The following MYH3 variants were observed in gnomAD, a reference collection of about 807,000 sequenced individuals.
The protein encoded by MYH3 is myosin-3.
Under a neutral mutation model 238.0 loss-of-function variants are expected in MYH3, and 130 were observed. The ratio of observed to expected loss-of-function variants is 0.55; its 90% CI spans 0.47 to 0.63. The LOEUF (loss-of-function observed/expected upper bound fraction) is 0.63, where lower values mean the gene tolerates loss of function less well. MYH3 is among the 30% of genes least tolerant of loss of function. The pLI, the probability that MYH3 is intolerant of heterozygous loss-of-function variation, is 0.00. For synonymous variants in MYH3, 880 were observed against 924.1 expected, an observed-to-expected ratio of 0.95 and a Z score of 0.86; for missense variants, 1,853 against 2,374.9, an observed-to-expected ratio of 0.78 and a Z score of 4.57.
intron 34 of MYH3, 115 bp downstream of exon 34, chr17:10,632,361 C>A: frequency 1.6e-6 from 2 of 1,216,876 alleles, no homozygotes; most frequent in South Asian, 1.2e-5. Context: ...TCAAGTGAGC[C>A]TCTTGCCTCA....
rs1209123293 is a variant in MYH3 at position 10,633,638 on chromosome 17, T to A, written c.4600A>T (p.Ile1534Phe). ...TGGATATCAGCCTTTTCCAGCTCAA[T>A]CTGCTTTCTTGATTTCTCCAGTTCA... ...IHELEKSRKQIELEKADIQLA... is the reference protein window; with the variant it reads ...IHELEKSRKQFELEKADIQLA... The change falls in exon 33 of 41, where the codon ATT becomes TTT. Residue 1534 changes from isoleucine (I) to phenylalanine (F), a missense_variant. Ile to Phe is a conservative substitution (Grantham distance 21). Transcript: ENST00000583535. The A allele has an allele frequency of 2.0e-5, 32 of 1,614,014 alleles. No homozygotes were observed. The highest frequency in any genetic ancestry group is 2.7e-5 in the Non-Finnish European group (32 of 1,179,966).
chr17:10,649,667 T>C lies in MYH3; in HGVS notation c.552A>G (p.Gly184=). ...TGACCCGTTTGGTGTTCACAGTCTT[T>C]CCTGCCCCGGATTCTCCGCTGTACA... ...SILITGESGA[G]KTVNTKRVIQ... Residue 184 remains glycine (G), a synonymous_variant, in exon 7 of 41, where the codon GGA becomes GGG. Transcript: ENST00000583535. The C allele has an allele frequency of 2.5e-6, 4 of 1,614,228 alleles. No individual in the cohort carries two copies. The South Asian group carries it at 3.3e-5, about 13-fold the overall frequency.
At chr17:10,633,144 A>G (rs2074181348) in intron 33 of MYH3, among the ~76,000 whole-genome samples, 1 of 152,164 alleles carries the variant, frequency 6.6e-6, no homozygotes, top group African/African-American at 2.4e-5. Flanking sequence ...CCCAGGAGAC[A>G]GAGGTTGCAG....
chr17:10,670,575 C>A, the MYH3 span, among the ~76,000 whole-genome samples: 3 of 152,148 alleles, frequency 2.0e-5, no homozygotes, highest in Non-Finnish European at 4.4e-5. This position sits in a 1 kb window ranked among gnomAD's most constrained non-coding sequence, Gnocchi z 7.0. Context: ...TCCCTAGTAG[C>A]TGGGATTGCA....
intron 5 of MYH3, among the ~76,000 whole-genome samples, chr17:10,650,807 T>C (rs1368841657): frequency 6.6e-6 from 1 of 152,200 alleles, no homozygotes; most frequent in Admixed American, 6.5e-5. Context: ...CCAGCACCGA[T>C]TTCTCCTTTC....
chr17:10,639,100 T>C lies in MYH3; in HGVS notation c.3192A>G (p.Gln1064=), dbSNP rs1317179869. The change falls in exon 25 of 41, where the codon CAA becomes CAG. Residue 1064 remains glutamine (Q), a synonymous_variant. Coordinates refer to ENST00000583535, the MANE Select transcript of MYH3 (RefSeq NM_002470.4). The part of the protein sequence containing the change: ...RKLEGDLKLA[Q]ESILDLENDK... ...CATTCTCCAGATCTAATATGGACTC[T>C]TGAGCAAGCTTCAAGTCTCCTTCCA... The C allele has an allele frequency of 1.9e-6, 3 of 1,614,128 alleles. No homozygotes were observed. In the Admixed American group the frequency reaches 5.0e-5, roughly 27 times the overall value.
intron 14 of MYH3, among the ~76,000 whole-genome samples, chr17:10,644,088 A>G (rs2074297555): frequency 6.6e-6 from 1 of 151,896 alleles, no homozygotes; most frequent in East Asian, 1.9e-4. Context: ...TGAACTCAGG[A>G]AGAGGTTGCA....
Position 10,642,306 on chromosome 17 carries a change from G to A in MYH3, c.1893C>T (p.Asp631=). 1 of 1,614,120 alleles carries A rather than the reference G, an allele frequency of 6.2e-7. No individual in the cohort carries two copies. The highest frequency in any genetic ancestry group is 8.5e-7 in the Non-Finnish European group (1 of 1,179,998). The change falls in exon 17 of 41, where the codon GAC becomes GAT. Residue 631 remains aspartate, a synonymous_variant. Coordinates refer to ENST00000583535, the MANE Select transcript of MYH3 (RefSeq NM_002470.4). This position sits in a 1 kb window ranked among gnomAD's most constrained non-coding sequence, Gnocchi z 5.4. ...TCTTGGCAACTTTCTTCTTTCCACT[G>A]TCAGCTGAAAGCAATAAGGGAGGGC... The part of the protein sequence containing the change: ...LYATFATADA[D]SGKKKVAKKK...
intron 30 of MYH3, among the ~76,000 whole-genome samples, 148 bp downstream of exon 30, chr17:10,635,214 GTTTGT>G (rs961516011): frequency 8.5e-5 from 13 of 152,242 alleles, no homozygotes; most frequent in African/African-American, 2.9e-4. Context: ...GATCAAAGCT[GTTTGT>G]TTTAATAAAA....
chr17:10,645,613 G>T, intron 12 of MYH3, 94 bp downstream of exon 12: 6 of 1,501,710 alleles, frequency 4.0e-6, no homozygotes, highest in Non-Finnish European at 5.5e-6. Flanking sequence ...GTGAGCCACT[G>T]TGCCTGGCTG....
upstream of MYH3, among the ~76,000 whole-genome samples, chr17:10,661,247 G>T (rs1198344840): frequency 7.3e-6 from 1 of 136,494 alleles, no homozygotes; most frequent in East Asian, 2.2e-4. Context: ...AAAGTGCAAG[G>T]ATTACAGGTG....
rs373533323 is a variant in MYH3 at position 10,628,711 on chromosome 17, C to T, written c.5797-32G>A. On this transcript the variant is annotated intron_variant, in intron 40 of 40. Transcript: ENST00000583535. ...AGAAAGTAGGCACCTGGAGTCAAGT[C>T]GGGTGGCAGAGACACATTCCCACCC... The T allele has an allele frequency of 8.7e-6, 14 of 1,613,808 alleles. No homozygotes were observed. In the African/African-American group the frequency reaches 1.1e-4, roughly 12 times the overall value.
rs2074163100 is a variant in MYH3, at chr17:10,631,893, C to G, written c.5080G>C (p.Glu1694Gln). The change falls in exon 35 of 41, where the codon GAG becomes CAG. Residue 1694 changes from glutamate to glutamine, a missense_variant. Transcript: ENST00000583535. ...AGTTTCCGGGCCCTCTCCGTCTGCT[C>G]CAGAGTAGCCCGCAGCTCCTCCACC... ...AEVEELRATL[E>Q]QTERARKLAE... The G allele has an allele frequency of 6.2e-7, 1 of 1,614,184 alleles. No homozygotes were observed. Among genetic ancestry groups the G allele is most frequent in the Non-Finnish European group, 8.5e-7 (1 of 1,180,034 alleles).
At chr17:10,653,071 GT>G (rs2074394216) in intron 3 of MYH3, among the ~76,000 whole-genome samples, 1 of 152,158 alleles carries the variant, frequency 6.6e-6, no homozygotes, top group South Asian at 2.1e-4. Flanking sequence ...AATGGGGTTT[GT>G]TTCTGTTATT....
At chr17:10,670,153 C>T in the MYH3 span, among the ~76,000 whole-genome samples, 5 of 152,214 alleles carry the variant, frequency 3.3e-5, no homozygotes, top group African/African-American at 4.8e-5. The surrounding 1 kb of genome is among the most constrained non-coding windows in gnomAD (Gnocchi z 7.0). Context: ...GCTTGAGTTC[C>T]GAAATGCCTC....
intron 19 of MYH3, 39 bp from the exon 20 acceptor site, chr17:10,640,725 A>G: frequency 6.2e-7 from 1 of 1,608,636 alleles, no homozygotes; most frequent in East Asian, 2.2e-5. Flanking sequence ...GACTGTTGGC[A>G]AAGACACAAA....
Position 10,637,887 on chromosome 17 carries a change from C to A in MYH3, c.3778G>T (p.Ala1260Ser), listed in dbSNP as rs2074230018. 2 of 1,613,996 alleles carry A rather than the reference C, an allele frequency of 1.2e-6. No homozygotes were observed. The highest frequency in any genetic ancestry group is 2.7e-5 in the African/African-American group (2 of 74,884). Residue 1260 changes from alanine (A) to serine (S), a missense_variant, in exon 28 of 41, where the codon GCC becomes TCC. By Grantham distance (99) the Ala-to-Ser change is moderately conservative. This residue lies in a region of MYH3 where 1,044 missense variants were observed against 1,192.6 expected (regional missense o/e 0.88). Coordinates refer to ENST00000583535, the MANE Select transcript of MYH3 (RefSeq NM_002470.4). ...TGAATTTCCTCATTCTTGCCCCTGG[C>A]CTCACTTAACTGATCCTCCAGGGTT... ...CRTLEDQLSE[A>S]RGKNEEIQRS...
intron 28 of MYH3, among the ~76,000 whole-genome samples, chr17:10,637,571 G>A (rs1444093615): frequency 6.6e-6 from 1 of 152,020 alleles, no homozygotes; most frequent in Non-Finnish European, 1.5e-5. Flanking sequence ...GATATTTTGA[G>A]CCCCTTCTCA....
Position 10,649,880 on chromosome 17 carries a change from G to C in MYH3, c.534-195C>G, listed in dbSNP as rs59650067. The stretch of plus-strand genomic sequence containing the variant: ...ACAGGCACTTGCTCAGCTGACCCAA[G>C]GATGGGTAATTCCATTTTTCTGAGG... On this transcript the variant is annotated intron_variant, in intron 6 of 40. Transcript: ENST00000583535. Among the ~76,000 whole-genome samples the C allele has an allele frequency of 0.058, 8,796 of 152,242 alleles. 384 individuals carry two copies. The highest frequency in any genetic ancestry group is 0.12 in the African/African-American group (5,182 of 41,538).
Sources: gnomAD v4.1 joint callset for allele counts (sites outside exome capture counted in the v4.1 genomes callset) on GRCh38, gnomAD v4.1.1 for gene constraint, gnomAD v4.1.1 regional missense constraint, Gnocchi (gnomAD v3.1) non-coding constraint, MANE v1.5 for transcripts, NCBI Gene and HGNC (gene_info 2026-07-23, HGNC 2026-07-21) for gene names.